Variants in STIM1 observed in about 807,000 individuals in gnomAD.
STIM1 encodes stromal interaction molecule 1.
In STIM1, 25 loss-of-function variants were observed where a neutral mutation model predicts 74.7. That is an observed-to-expected ratio of 0.33 (90% CI 0.24 to 0.47). The LOEUF is 0.47. Among genes scored for constraint, STIM1 ranks in the 20% least tolerant of loss-of-function variants. STIM1 has a pLI of 1.00. For missense variants in STIM1, 728 were observed against 920.8 expected, an observed-to-expected ratio of 0.79 and a Z score of 2.71; for synonymous variants, 328 against 348.8, an observed-to-expected ratio of 0.94 and a Z score of 0.66.
intron 1 of STIM1, among the ~76,000 whole-genome samples, chr11:3,887,273 T>C (rs2091744791): frequency 6.6e-6 from 1 of 152,228 alleles, no homozygotes; most frequent in African/African-American, 2.4e-5. Context: ...TCCCTGTTTC[T>C]GTACCTGCTC....
chr11:3,919,053 G>A (rs1401756557), intron 1 of STIM1, among the ~76,000 whole-genome samples: 1 of 152,164 alleles, frequency 6.6e-6, no homozygotes. Flanking sequence ...ATATTTGCTT[G>A]AGGTGGGATA....
chr11:4,024,273 T>G (rs2093981294), intron 3 of STIM1, among the ~76,000 whole-genome samples: 1 of 152,114 alleles, frequency 6.6e-6, no homozygotes, highest in African/African-American at 2.4e-5. Flanking sequence ...ATCTTCCAGG[T>G]TCTGCTGCTT....
intron 1 of STIM1, among the ~76,000 whole-genome samples, chr11:3,930,321 A>G (rs1397017047): frequency 2.0e-5 from 3 of 152,250 alleles, no homozygotes; most frequent in Non-Finnish European, 4.4e-5. Context: ...ACCTAATGTT[A>G]CACAGCTGGC....
chr11:3,905,158 T>A (rs1413818459), intron 1 of STIM1, among the ~76,000 whole-genome samples: 1 of 151,740 alleles, frequency 6.6e-6, no homozygotes, highest in Non-Finnish European at 1.5e-5. Context: ...ACAGGTAGGG[T>A]GAGCCTGAAA....
Position 3,990,950 on chromosome 11 carries a change from C to G in STIM1, c.270+23268C>G, listed in dbSNP as rs138907665. ...AGCATCCAATGGGAATTTTTTCAGT[C>G]CTTCTCCCTATCCCCACTCCTTTTG... is the stretch of plus-strand genomic sequence containing the variant. On this transcript the variant is annotated intron_variant, in intron 2 of 12. Transcript: ENST00000526596. Among the ~76,000 whole-genome samples the G allele has an allele frequency of 3.9e-3, 594 of 152,108 alleles. 22 individuals carry two copies. Among genetic ancestry groups the G allele is most frequent in the Admixed American group, 0.033 (507 of 15,254 alleles).
At chr11:3,932,859 T>A (rs2092886148) in intron 1 of STIM1, among the ~76,000 whole-genome samples, 1 of 152,136 alleles carries the variant, frequency 6.6e-6, no homozygotes. Context: ...GTTTGTTGTT[T>A]AAGCTGCCCT....
intron 6 of STIM1, 36 bp from the exon 7 acceptor site, chr11:4,074,466 C>T: frequency 6.2e-7 from 1 of 1,611,888 alleles, no homozygotes; most frequent in Non-Finnish European, 8.5e-7. Context: ...CACCCCCTTG[C>T]CTGGCCTCCT....
At chr11:4,090,190 T>G (rs1379327168) in intron 12 of STIM1, among the ~76,000 whole-genome samples, 3 of 152,188 alleles carry the variant, frequency 2.0e-5, no homozygotes, top group Admixed American at 2.0e-4. Flanking sequence ...TTTCTACATT[T>G]CCAAGTGCTT....
chr11:4,022,160 C>T (rs555700060), intron 2 of STIM1, among the ~76,000 whole-genome samples: 1 of 151,520 alleles, frequency 6.6e-6, no homozygotes. Context: ...GGTAAAATCC[C>T]GTCTCTACCA....
At chr11:3,997,027 T>C (rs1347760332) in intron 2 of STIM1, among the ~76,000 whole-genome samples, 1 of 152,266 alleles carries the variant, frequency 6.6e-6, no homozygotes, top group South Asian at 2.1e-4. Context: ...ATTCTTTGGC[T>C]AGCTTGGATA....
intron 1 of STIM1, among the ~76,000 whole-genome samples, chr11:3,893,743 G>T (rs10835256): frequency 0.26 from 39,738 of 151,458 alleles, 5,940 homozygotes; most frequent in South Asian, 0.4. Flanking sequence ...TGCAACCTCT[G>T]CCTCCCGGGT....
rs1438248834 is a variant in STIM1, at chr11:3,963,120, G to A, written c.140-4432G>A. ...TTTTATTTTGAGTTTAGGGATACAA[G>A]TATAGGTTTGCTACATAACTAAGCT... On this transcript the variant is annotated intron_variant, in intron 1 of 12. Transcript: ENST00000526596. Among the ~76,000 whole-genome samples the A allele has an allele frequency of 4.6e-5, 7 of 152,318 alleles. No individual in the cohort carries two copies. In the South Asian group the frequency reaches 6.2e-4, roughly 14 times the overall value.
chr11:3,897,433 T>G (rs987337000), intron 1 of STIM1, among the ~76,000 whole-genome samples: 1 of 152,248 alleles, frequency 6.6e-6, no homozygotes, highest in African/African-American at 2.4e-5. Context: ...GGGTCCTGTC[T>G]ATTCTGGGTA....
At chr11:3,924,494 G>C (rs2092763710) in intron 1 of STIM1, among the ~76,000 whole-genome samples, 1 of 151,932 alleles carries the variant, frequency 6.6e-6, no homozygotes, top group Non-Finnish European at 1.5e-5. Context: ...CACTGTGCCT[G>C]GCTTTATATA....
chr11:4,058,708 T>G (rs1040847633), intron 4 of STIM1: 1 of 769,812 alleles, frequency 1.3e-6, no homozygotes, highest in African/African-American at 1.9e-5. Context: ...TTATTGGAGG[T>G]AACTTGTATT....
At chr11:3,862,276 C>T (rs759920932) in intron 1 of STIM1, among the ~76,000 whole-genome samples, 1 of 152,026 alleles carries the variant, frequency 6.6e-6, no homozygotes, top group Non-Finnish European at 1.5e-5. Flanking sequence ...TAGGAACTTG[C>T]AGAGAGTTTA....
chr11:3,904,017 T>C (rs572446204), intron 1 of STIM1, among the ~76,000 whole-genome samples: 56 of 151,542 alleles, frequency 3.7e-4, no homozygotes, highest in Non-Finnish European at 7.2e-4. Context: ...ACCAATATGG[T>C]GAAACCCCAT....
At chr11:4,006,594 A>G (rs1054761784) in intron 2 of STIM1, among the ~76,000 whole-genome samples, 1 of 152,096 alleles carries the variant, frequency 6.6e-6, no homozygotes, top group Admixed American at 6.5e-5. Context: ...TTATATTTTT[A>G]GTAGAGACGG....
intron 1 of STIM1, among the ~76,000 whole-genome samples, chr11:3,915,079 T>A (rs1305410592): frequency 6.6e-6 from 1 of 152,196 alleles, no homozygotes; most frequent in Non-Finnish European, 1.5e-5. Context: ...GAATGTGTAT[T>A]TAAGTCCTTT....
Sources: allele counts gnomAD v4.1 joint callset (sites outside exome capture counted in the v4.1 genomes callset), GRCh38; gene constraint gnomAD v4.1.1; transcripts MANE v1.5; gene names NCBI Gene and HGNC (gene_info 2026-07-23, HGNC 2026-07-21).